Variants in AFF3 observed in about 807,000 individuals in gnomAD.
The protein encoded by AFF3 is ALF transcription elongation factor 3, also known as AF4/FMR2 family member 3.
A neutral mutation model predicts 129.7 loss-of-function variants in AFF3; 32 were observed. The observed-to-expected ratio is 0.25, with a 90% CI of 0.19 to 0.33. The LOEUF is 0.33. AFF3 is among the 10% of genes least tolerant of loss of function. AFF3 has a pLI of 1.00. For synonymous variants in AFF3, 644 were observed against 635.4 expected, an observed-to-expected ratio of 1.01 and a Z score of -0.20; for missense variants, 1,373 against 1,592.0, an observed-to-expected ratio of 0.86 and a Z score of 2.34.
At chr2:100,055,376 C>T (rs773670229) in intron 4 of AFF3, among the ~76,000 whole-genome samples, 4 of 151,566 alleles carry the variant, frequency 2.6e-5, no homozygotes, top group Admixed American at 1.3e-4. Context: ...ATGGCACACA[C>T]GCCCTTGCTG....
chr2:100,110,117 T>C (rs1261163323), intron 2 of AFF3: 2 of 152,132 alleles, frequency 1.3e-5, no homozygotes, highest in Non-Finnish European at 2.9e-5. Flanking sequence ...GAAGGCTGGA[T>C]TGGGTGTTCT....
chr2:99,888,664 A>C (rs1693304317), intron 7 of AFF3, among the ~76,000 whole-genome samples: 1 of 152,166 alleles, frequency 6.6e-6, no homozygotes, highest in Middle Eastern at 3.2e-3. Flanking sequence ...CTTTTACGTA[A>C]TCAATCACTT....
intron 13 of AFF3, among the ~76,000 whole-genome samples, chr2:99,635,903 G>A (rs1406759132): frequency 1.3e-5 from 2 of 152,102 alleles, no homozygotes; most frequent in Non-Finnish European, 2.9e-5. Context: ...GAGAGACTAC[G>A]AGGTCACATA....
intron 4 of AFF3, among the ~76,000 whole-genome samples, chr2:100,093,954 G>T (rs551465094): frequency 4.6e-4 from 70 of 152,276 alleles, no homozygotes; most frequent in African/African-American, 1.6e-3. Flanking sequence ...AGGGCCTACT[G>T]CACATAGACA....
chr2:99,903,923 C>T (rs1281556270), intron 7 of AFF3, among the ~76,000 whole-genome samples: 1 of 152,118 alleles, frequency 6.6e-6, no homozygotes, highest in African/African-American at 2.4e-5. Context: ...AGTAGACAGC[C>T]CTTTTCTAAA....
At chr2:99,667,722 C>T (rs544219000) in intron 12 of AFF3, among the ~76,000 whole-genome samples, 8 of 152,252 alleles carry the variant, frequency 5.3e-5, no homozygotes, top group East Asian at 3.9e-4. Flanking sequence ...ATAAACAACC[C>T]TATCCACATA....
At chr2:99,878,557 T>G (rs1692469633) in intron 7 of AFF3, among the ~76,000 whole-genome samples, 1 of 152,234 alleles carries the variant, frequency 6.6e-6, no homozygotes, top group Non-Finnish European at 1.5e-5. Context: ...TTCAGGTTTC[T>G]GCCAGGAGGC....
Position 99,750,391 on chromosome 2 carries a change from G to A in AFF3, c.1002+1830C>T, listed in dbSNP as rs543940110. Among the ~76,000 whole-genome samples the A allele has an allele frequency of 2.5e-4, 36 of 146,584 alleles. No homozygotes were observed. In the Middle Eastern group the frequency reaches 0.011, roughly 44 times the overall value. On this transcript the variant is annotated intron_variant, in intron 9 of 24. Coordinates refer to ENST00000672756, the MANE Select transcript of AFF3 (RefSeq NM_001386135.1). ...TGATAATAATCATTGGCAAAGATAT[G>A]TAAAAAGTACTTTTTTTTTTTCTTT...
intron 11 of AFF3, among the ~76,000 whole-genome samples, chr2:99,723,281 T>C (rs901051831): frequency 4.6e-5 from 7 of 152,206 alleles, no homozygotes; most frequent in Non-Finnish European, 1.0e-4. Context: ...TGCCAAGCAT[T>C]GACCATCTGA....
intron 13 of AFF3, among the ~76,000 whole-genome samples, chr2:99,617,099 G>T (rs571048307): frequency 3.2e-4 from 48 of 152,314 alleles, no homozygotes; most frequent in Non-Finnish European, 5.1e-4. Flanking sequence ...GGCTACTATG[G>T]ATAATGCCAC....
intron 4 of AFF3, among the ~76,000 whole-genome samples, chr2:100,016,551 G>C (rs981123718): frequency 6.6e-6 from 1 of 150,466 alleles, no homozygotes; most frequent in Non-Finnish European, 1.5e-5. Flanking sequence ...GGTAGCGATG[G>C]TGATAGTATT....
At chr2:99,781,120 C>T (rs1353126465) in intron 8 of AFF3, among the ~76,000 whole-genome samples, 1 of 152,128 alleles carries the variant, frequency 6.6e-6, no homozygotes, top group Non-Finnish European at 1.5e-5. Context: ...TGATTTTCTC[C>T]AAACAAACCA....
intron 8 of AFF3, among the ~76,000 whole-genome samples, chr2:99,784,240 C>T (rs1193416640): frequency 6.6e-6 from 1 of 152,182 alleles, no homozygotes; most frequent in Admixed American, 6.5e-5. Flanking sequence ...GATAGTTTCC[C>T]ATCTAGAAAC....
chr2:100,076,955 A>C (rs1050450812), intron 4 of AFF3, among the ~76,000 whole-genome samples: 1 of 152,108 alleles, frequency 6.6e-6, no homozygotes, highest in African/African-American at 2.4e-5. Flanking sequence ...ATGTAAGTTA[A>C]AGATCAGGCC....
At chr2:99,736,752 G>A (rs1680298889) in intron 10 of AFF3, among the ~76,000 whole-genome samples, 1 of 151,968 alleles carries the variant, frequency 6.6e-6, no homozygotes, top group African/African-American at 2.4e-5. Context: ...TAGGACTACA[G>A]GCATACGCCA....
At chr2:99,778,897 CGTGTGTGTGTGTGTGT>C (rs61526527) in intron 8 of AFF3, among the ~76,000 whole-genome samples, 6 of 43,100 alleles carry the variant, frequency 1.4e-4, no homozygotes, top group Non-Finnish European at 3.9e-4. Context: ...TGTGTGTGCG[CGTGTGTGTGTGTGTGT>C]GTGTGTGTGT....
At chr2:99,908,387 T>C (rs1263193989) in intron 7 of AFF3, among the ~76,000 whole-genome samples, 1 of 152,160 alleles carries the variant, frequency 6.6e-6, no homozygotes, top group African/African-American at 2.4e-5. Flanking sequence ...GAAGAAAACC[T>C]AGGCAATACC....
intron 7 of AFF3, among the ~76,000 whole-genome samples, chr2:99,915,755 G>T (rs1695432685): frequency 6.6e-6 from 1 of 151,732 alleles, no homozygotes; most frequent in Non-Finnish European, 1.5e-5. Flanking sequence ...GCTATTTCTG[G>T]GTAGTACACA....
intron 1 of AFF3, among the ~76,000 whole-genome samples, chr2:100,133,485 G>C (rs949922476): frequency 6.6e-6 from 1 of 151,850 alleles, no homozygotes; most frequent in African/African-American, 2.4e-5. Flanking sequence ...TCAGGCTGGA[G>C]TGCAGTGGCC....
Sources: allele counts gnomAD v4.1 joint callset (sites outside exome capture counted in the v4.1 genomes callset), GRCh38; gene constraint gnomAD v4.1.1; transcripts MANE v1.5; gene names NCBI Gene and HGNC (gene_info 2026-07-23, HGNC 2026-07-21).